FHIT: variants seen among roughly 807,000 people sequenced by gnomAD.
FHIT encodes bis(5'-adenosyl)-triphosphatase.
Under a neutral mutation model 17.9 loss-of-function variants are expected in FHIT, and 19 were observed. The ratio of observed to expected loss-of-function variants is 1.06; its 90% CI spans 0.74 to 1.56. The LOEUF is 1.56. Among genes scored for constraint, FHIT ranks in the 40% most tolerant of loss-of-function variants. FHIT has a pLI of 0.00. For synonymous variants in FHIT, 81 were observed against 69.7 expected (o/e 1.16, Z -0.81); for missense variants, 248 against 189.2 (o/e 1.31, Z -1.82).
At chr3:60,936,293 T>C (rs1303645707) in intron 3 of FHIT, among the ~76,000 whole-genome samples, 1 of 152,208 alleles carries the variant, frequency 6.6e-6, no homozygotes, top group African/African-American at 2.4e-5. Context: ...TCATTTACTA[T>C]CCATTTCTCT....
At chr3:60,057,333 C>G (rs1702121602) in intron 5 of FHIT, among the ~76,000 whole-genome samples, 1 of 152,128 alleles carries the variant, frequency 6.6e-6, no homozygotes, top group Non-Finnish European at 1.5e-5. Context: ...TGAACCCTGC[C>G]TGGTCTGTTG....
At position 61,099,028 on chromosome 3, in the gene FHIT, C is replaced by T. The variant is rs554127772; in HGVS notation, c.-163-56929G>A. Among the ~76,000 whole-genome samples the T allele has an allele frequency of 2.0e-5, 3 of 152,194 alleles. No homozygotes were observed. The South Asian group carries it at 6.2e-4, about 32-fold the overall frequency. On this transcript the variant is annotated intron_variant, in intron 2 of 9. Transcript: ENST00000492590. ...TCAGTGGGAATGCTTCCAGCTTTGCCCATTTAGTATGATGTTGGCTGTCTG... is the reference window on the plus strand; with the variant it reads ...TCAGTGGGAATGCTTCCAGCTTTGCTCATTTAGTATGATGTTGGCTGTCTG...
chr3:60,252,721 T>C (rs1352255128), intron 5 of FHIT, among the ~76,000 whole-genome samples: 1 of 152,124 alleles, frequency 6.6e-6, no homozygotes, highest in African/African-American at 2.4e-5. Context: ...CTGGGCGCGG[T>C]GGCTCATGCC....
chr3:60,787,821 C>T lies in FHIT; in HGVS notation c.-18+34098G>A, dbSNP rs567576935. Among the ~76,000 whole-genome samples, 7 of 152,328 alleles carry T rather than the reference C, an allele frequency of 4.6e-5. No individual in the cohort carries two copies. The South Asian group carries it at 1.5e-3, about 32-fold the overall frequency. ...AAAGCTCCACCTTCTTGCTCCATCT[C>T]TCATACTGTAAACAAGGGTCTTTTT... On this transcript the variant is annotated intron_variant, in intron 4 of 9. Coordinates refer to ENST00000492590, the MANE Select transcript of FHIT (RefSeq NM_002012.4).
intron 5 of FHIT, among the ~76,000 whole-genome samples, chr3:60,029,996 G>GCATTTGTACATGAGAACGCTCC (rs1357414553): frequency 1.3e-5 from 2 of 151,050 alleles, no homozygotes; most frequent in Non-Finnish European, 2.9e-5. Context: ...TTGTTATCAG[G>GCATTTGTACATGAGAACGCTCC]CATTTGTACA....
intron 3 of FHIT, among the ~76,000 whole-genome samples, chr3:60,960,709 G>T (rs1191145586): frequency 6.6e-6 from 1 of 152,176 alleles, no homozygotes; most frequent in African/African-American, 2.4e-5. Context: ...CCTTGCAATA[G>T]TTTGCTCAGA....
At chr3:60,972,729 CTT>C (rs1287838789) in intron 3 of FHIT, among the ~76,000 whole-genome samples, 2 of 152,074 alleles carry the variant, frequency 1.3e-5, no homozygotes, top group Non-Finnish European at 2.9e-5. Flanking sequence ...CAATATGTCT[CTT>C]ATAAAATTTT....
intron 4 of FHIT, among the ~76,000 whole-genome samples, chr3:60,679,906 A>G (rs1553696385): frequency 6.6e-6 from 1 of 152,134 alleles, no homozygotes; most frequent in Non-Finnish European, 1.5e-5. Flanking sequence ...CTCAACATAT[A>G]TTTATAGTTA....
At chr3:61,001,031 T>C (rs1331294653) in intron 3 of FHIT, among the ~76,000 whole-genome samples, 1 of 150,390 alleles carries the variant, frequency 6.6e-6, no homozygotes, top group African/African-American at 2.4e-5. Flanking sequence ...CCAAAGAGCA[T>C]ATACAGGTAG....
chr3:60,201,216 C>G (rs530139166), intron 5 of FHIT, among the ~76,000 whole-genome samples: 1 of 152,236 alleles, frequency 6.6e-6, no homozygotes, highest in South Asian at 2.1e-4. Context: ...CCAACAGAGG[C>G]CAGTCTCACG....
At chr3:59,944,184 G>A (rs1706678600) in intron 7 of FHIT, among the ~76,000 whole-genome samples, 1 of 152,152 alleles carries the variant, frequency 6.6e-6, no homozygotes, top group African/African-American at 2.4e-5. Context: ...AAAGTACTAT[G>A]CTGACATAGT....
intron 8 of FHIT, among the ~76,000 whole-genome samples, chr3:59,857,507 T>C (rs1279845389): frequency 1.4e-5 from 2 of 147,066 alleles, no homozygotes; most frequent in East Asian, 2.0e-4. Context: ...GCCAATAATC[T>C]CTTTCATATT....
At chr3:60,985,088 C>T (rs1180739174) in intron 3 of FHIT, among the ~76,000 whole-genome samples, 3 of 152,046 alleles carry the variant, frequency 2.0e-5, no homozygotes, top group African/African-American at 7.2e-5. Context: ...TGTATGTGCC[C>T]CCATCACTAC....
chr3:60,976,096 C>CTTTTTTTTTTTTTTTTTTTTTTTTTTTT lies in FHIT; in HGVS notation c.-111+65923_-111+65950dup, dbSNP rs869239307. On this transcript the variant is annotated intron_variant, in intron 3 of 9. Coordinates refer to ENST00000492590, the MANE Select transcript of FHIT (RefSeq NM_002012.4). ...CTTTGTATCTTTCGTTTTTCTTTTT[C>CTTTTTTTTTTTTTTTTTTTTTTTTTTTT]TTTTTTTTTTTTTTTTTTTTTTTTT... Among the ~76,000 whole-genome samples the CTTTTTTTTTTTTTTTTTTTTTTTTTTTT allele has an allele frequency of 3.1e-4, 21 of 66,790 alleles. 5 individuals carry two copies. Among genetic ancestry groups the CTTTTTTTTTTTTTTTTTTTTTTTTTTTT allele is most frequent in the Non-Finnish European group, 4.7e-4 (18 of 38,282 alleles). 43.8% of individuals were successfully genotyped at this position (66,790 alleles called of 152,430 possible).
At chr3:60,629,938 T>C (rs2039395612) in intron 4 of FHIT, among the ~76,000 whole-genome samples, 1 of 152,194 alleles carries the variant, frequency 6.6e-6, no homozygotes, top group Admixed American at 6.5e-5. Context: ...TGACACTTGA[T>C]AGCTGCTCCC....
intron 2 of FHIT, among the ~76,000 whole-genome samples, chr3:61,133,192 CACAGCATTG>C (rs1560008621): frequency 6.6e-6 from 1 of 152,132 alleles, no homozygotes. Flanking sequence ...ACTTTTCCTC[CACAGCATTG>C]ACCTCAGTTT....
At chr3:60,430,976 C>A (rs1702869714) in intron 5 of FHIT, among the ~76,000 whole-genome samples, 1 of 151,984 alleles carries the variant, frequency 6.6e-6, no homozygotes, top group South Asian at 2.1e-4. Flanking sequence ...CTTTGGGAGG[C>A]CAAAGTGGGC....
intron 5 of FHIT, among the ~76,000 whole-genome samples, chr3:60,439,960 T>C (rs2030645633): frequency 2.0e-5 from 3 of 152,040 alleles, no homozygotes; most frequent in Admixed American, 1.3e-4. Flanking sequence ...AATCCTTTAC[T>C]CTTTCTCACC....
intron 5 of FHIT, among the ~76,000 whole-genome samples, chr3:60,268,088 C>A (rs572756115): frequency 1.3e-5 from 2 of 152,208 alleles, no homozygotes; most frequent in Admixed American, 6.5e-5. Flanking sequence ...ATTCATAGAA[C>A]CTCAAACTTG....
Sources: gnomAD v4.1 joint callset for allele counts (sites outside exome capture counted in the v4.1 genomes callset) on GRCh38, gnomAD v4.1.1 for gene constraint, MANE v1.5 for transcripts, NCBI Gene and HGNC (gene_info 2026-07-23, HGNC 2026-07-21) for gene names.